Variants in TDP1 observed in about 807,000 individuals in gnomAD.
TDP1 encodes the protein tyrosyl-DNA phosphodiesterase 1.
In TDP1, 64 loss-of-function variants were observed where a neutral mutation model predicts 81.5. The observed-to-expected ratio is 0.79, with a 90% CI of 0.64 to 0.97. The LOEUF (loss-of-function observed/expected upper bound fraction) is 0.97, where lower values mean the gene tolerates loss of function less well. Among genes scored for constraint, TDP1 ranks in the 50% least tolerant of loss-of-function variants. The probability of loss-of-function intolerance (pLI) is 0.00; values close to 1 mark genes in which losing one functional copy is unlikely to be tolerated. For synonymous variants in TDP1, 256 were observed against 264.3 expected (o/e 0.97, Z 0.30); for missense variants, 723 against 743.8 (o/e 0.97, Z 0.33).
intron 14 of TDP1, among the ~76,000 whole-genome samples, chr14:90,000,552 A>ATT (rs1897101562): frequency 6.6e-6 from 1 of 151,934 alleles, no homozygotes; most frequent in Non-Finnish European, 1.5e-5. Flanking sequence ...ACCACGGCTA[A>ATT]TTTTGTATTT....
intron 10 of TDP1, 56 bp downstream of exon 10, chr14:89,985,266 T>C: frequency 1.0e-6 from 1 of 999,924 alleles, no homozygotes; most frequent in Non-Finnish European, 1.5e-6. Flanking sequence ...ATATTCTCTC[T>C]TTTAAAATAA....
rs1449422430 is a variant in TDP1 at position 89,963,563 on chromosome 14, A to T, written c.449A>T (p.Glu150Val). 4 of 1,612,544 alleles carry T rather than the reference A, an allele frequency of 2.5e-6. No homozygotes were observed. In the Admixed American group the frequency reaches 6.7e-5, roughly 27 times the overall value. Residue 150 changes from glutamate (E) to valine (V), a missense_variant, in exon 3 of 17, where the codon GAG (glutamate) becomes GTG (valine). Glu to Val is a moderately radical substitution (Grantham distance 121). Coordinates refer to ENST00000335725, the MANE Select transcript of TDP1 (RefSeq NM_018319.4). ...EEEDEYETSGEGQDIWDMLDK... is the reference protein window; with the variant it reads ...EEEDEYETSGVGQDIWDMLDK... Reference sequence around the variant, plus strand: ...GAAGACGAGTATGAGACATCAGGGGAGGGCCAGGACATTTGGGACATGCTG... The same window carrying T: ...GAAGACGAGTATGAGACATCAGGGGTGGGCCAGGACATTTGGGACATGCTG...
chr14:89,971,901 A>T (rs769178006), intron 6 of TDP1, among the ~76,000 whole-genome samples: 2 of 148,812 alleles, frequency 1.3e-5, no homozygotes, highest in African/African-American at 5.2e-5. Flanking sequence ...GTAGTCCTTC[A>T]ACTGTAGTTC....
At chr14:90,032,825 C>G (rs1255045428) in intron 15 of TDP1, 49 of 984,850 alleles carry the variant, frequency 5.0e-5, no homozygotes, top group Non-Finnish European at 4.8e-5. Flanking sequence ...GCTATCATAT[C>G]CAAAATTGTC....
intron 13 of TDP1, chr14:89,992,861 A>G (rs1013079645): frequency 5.6e-6 from 5 of 892,818 alleles, no homozygotes; most frequent in African/African-American, 1.8e-5. Context: ...TTGGAAACTT[A>G]GAAACCAAAC....
Position 89,966,149 on chromosome 14 carries a change from AT to A in TDP1, c.566del (p.Leu189TyrfsTer24), listed in dbSNP as rs1566847531. On this transcript the variant is annotated frameshift_variant, in exon 4 of 17. Transcript: ENST00000335725. LOFTEE classifies it high-confidence loss of function. ...YNSGALHIKD[I>X]LSPLFGTLVS... ...TGATATATGTTTTGTCTTCTCAGAT[AT>A]TTTATCTCCTTTATTTGGGACGCTT... The A allele has an allele frequency of 6.3e-7, 1 of 1,599,918 alleles. No individual in the cohort carries two copies. The highest frequency in any genetic ancestry group is 8.6e-7 in the Non-Finnish European group (1 of 1,167,284).
At chr14:89,971,013 A>G (rs11851737) in intron 5 of TDP1, 162 bp from the exon 6 acceptor site, 3 of 180,374 alleles carry the variant, frequency 1.7e-5, no homozygotes, top group African/African-American at 7.2e-5. Context: ...TAATTTTTGT[A>G]TTAGTAGAGA....
intron 15 of TDP1, among the ~76,000 whole-genome samples, chr14:90,030,898 T>C (rs1051837259): frequency 6.6e-6 from 1 of 151,960 alleles, no homozygotes; most frequent in African/African-American, 2.4e-5. Flanking sequence ...CCCAAGTAAC[T>C]GAGATTACAG....
At chr14:89,994,056 T>C (rs1896460859) in intron 14 of TDP1, among the ~76,000 whole-genome samples, 1 of 152,200 alleles carries the variant, frequency 6.6e-6, no homozygotes, top group African/African-American at 2.4e-5. Context: ...TGTGTCTATT[T>C]TTATAGGAAG....
At chr14:90,018,887 CAA>C (rs1008331078) in intron 14 of TDP1, 1 of 854,870 alleles carries the variant, frequency 1.2e-6, no homozygotes, top group Non-Finnish European at 1.4e-6. Flanking sequence ...CACTACCTGG[CAA>C]AAAAACTGAA....
At position 89,963,440 on chromosome 14, in the gene TDP1, T is replaced by C. The variant is rs1892569944; in HGVS notation, c.326T>C (p.Val109Ala). The stretch of plus-strand genomic sequence containing the variant: ...CCGCAGAAGCAGGCTGAGAAAGTGG[T>C]GATCAAAAAGGAGAAAGACATCTCT... ...EMPQKQAEKV[V>A]IKKEKDISAP... The change falls in exon 3 of 17, where the codon GTG (valine) becomes GCG (alanine). Residue 109 changes from valine (V) to alanine (A), a missense_variant. Physicochemically the swap from Val to Ala is moderately conservative, Grantham distance 64. Coordinates refer to ENST00000335725, the MANE Select transcript of TDP1 (RefSeq NM_018319.4). 6.2e-7 allele frequency: 1 copy of C among 1,613,158 alleles called. No homozygotes were observed. The highest frequency in any genetic ancestry group is 1.1e-5 in the South Asian group (1 of 91,018).
At chr14:89,998,117 C>A (rs1248650123) in intron 14 of TDP1, among the ~76,000 whole-genome samples, 2 of 151,670 alleles carry the variant, frequency 1.3e-5, no homozygotes, top group Non-Finnish European at 2.9e-5. Context: ...AATATGGTAC[C>A]TATACTGTCT....
At chr14:90,022,376 GC>G (rs1886188253) in intron 15 of TDP1, among the ~76,000 whole-genome samples, 1 of 152,256 alleles carries the variant, frequency 6.6e-6, no homozygotes, top group Admixed American at 6.5e-5. Context: ...ACGGGCCCAG[GC>G]CCTCTTAGGG....
At chr14:89,959,485 A>G (rs1031905275) in intron 2 of TDP1, among the ~76,000 whole-genome samples, 1 of 152,240 alleles carries the variant, frequency 6.6e-6, no homozygotes, top group Non-Finnish European at 1.5e-5. Context: ...AGAGGTTGGT[A>G]AGCTGCTACA....
At chr14:89,997,898 T>C (rs1158023460) in intron 14 of TDP1, among the ~76,000 whole-genome samples, 1 of 152,072 alleles carries the variant, frequency 6.6e-6, no homozygotes, top group African/African-American at 2.4e-5. Context: ...CACACACTTT[T>C]CTAGGTGCTA....
intron 15 of TDP1, chr14:90,032,818 A>G: frequency 1.0e-6 from 1 of 985,036 alleles, no homozygotes; most frequent in Non-Finnish European, 1.2e-6. Context: ...GAAATGGGCT[A>G]TCATATCCAA....
chr14:89,998,314 A>G (rs1280630099), intron 14 of TDP1, among the ~76,000 whole-genome samples: 2 of 143,692 alleles, frequency 1.4e-5, no homozygotes, highest in African/African-American at 2.6e-5. Flanking sequence ...TTGTTTTTAA[A>G]TTTTCAGAGC....
intron 5 of TDP1, chr14:89,970,950 T>C (rs1473409260): frequency 1.5e-5 from 3 of 194,962 alleles, no homozygotes; most frequent in Non-Finnish European, 2.8e-5. Flanking sequence ...GCGATTCTCA[T>C]GCCTCAGCCC....
Position 89,963,631 on chromosome 14 carries a change from G to A in TDP1, c.517G>A (p.Gly173Arg). ...CCAGTTTTACCTCACTAGAGTCTCT[G>A]GAGTTAAGCCAAAGTATAACTCTGG... ...PFQFYLTRVS[G>R]VKPKYNSGAL... Residue 173 changes from glycine (G) to arginine (R), a missense_variant, in exon 3 of 17, where the codon GGA becomes AGA. By Grantham distance (125) the Gly-to-Arg change is moderately radical (BLOSUM62 -2). Transcript: ENST00000335725. The A allele has an allele frequency of 1.2e-6, 2 of 1,614,088 alleles. No individual in the cohort carries two copies.
Sources: gnomAD v4.1 joint callset for allele counts (sites outside exome capture counted in the v4.1 genomes callset) on GRCh38, gnomAD v4.1.1 for gene constraint, MANE v1.5 for transcripts, NCBI Gene and HGNC (gene_info 2026-07-23, HGNC 2026-07-21) for gene names.